The following TTC6 variants were observed in gnomAD, a reference collection of about 807,000 sequenced individuals.
The protein encoded by TTC6 is tetratricopeptide repeat protein 6.
TTC6 carries 172 observed loss-of-function variants against 210.4 expected under a neutral mutation model. The ratio of observed to expected loss-of-function variants is 0.82; its 90% confidence interval spans 0.72 to 0.93. TTC6 has a LOEUF of 0.93. Among genes scored for constraint, TTC6 ranks in the 40% least tolerant of loss-of-function variants. The pLI, the probability that TTC6 is intolerant of heterozygous loss-of-function variation, is 0.00. For missense variants in TTC6, 2,414 were observed against 2,318.1 expected (o/e 1.04, Z -0.85); for synonymous variants, 804 against 819.6 (o/e 0.98, Z 0.32).
chr14:37,673,321 A>ATT (rs1197114147), intron 1 of TTC6, among the ~76,000 whole-genome samples: 3 of 152,180 alleles, frequency 2.0e-5, no homozygotes, highest in Non-Finnish European at 4.4e-5. Context: ...GTTTCTCAAG[A>ATT]AAGTTACCTG....
chr14:37,664,115 C>T (rs945916428), intron 1 of TTC6, among the ~76,000 whole-genome samples: 6 of 150,590 alleles, frequency 4.0e-5, no homozygotes, highest in African/African-American at 1.5e-4. Flanking sequence ...TCCCATTAAA[C>T]TACCATTGAC....
intron 29 of TTC6, chr14:37,837,601 G>C: frequency 3.9e-6 from 1 of 256,702 alleles, no homozygotes; most frequent in Non-Finnish European, 7.9e-6. Flanking sequence ...AGTAATAATT[G>C]ATTGAGTCCT....
chr14:37,605,632 C>T (rs2095623752), intron 1 of TTC6, among the ~76,000 whole-genome samples: 2 of 152,148 alleles, frequency 1.3e-5, no homozygotes, highest in South Asian at 2.1e-4. Flanking sequence ...CTACAAAGCA[C>T]ATACAACAGT....
At chr14:37,618,277 G>C (rs2095645937), upstream of TTC6, among the ~76,000 whole-genome samples, 1 of 152,158 alleles carries the variant, frequency 6.6e-6, no homozygotes, top group South Asian at 2.1e-4. Flanking sequence ...GGCTGACCTG[G>C]TCTTGTGAGA....
intron 2 of TTC6, 91 bp from the exon 5 acceptor site, chr14:37,682,667 C>T (rs2095786473): frequency 1.8e-6 from 2 of 1,088,328 alleles, no homozygotes; most frequent in Admixed American, 2.4e-5. Context: ...TTTTCATATT[C>T]ATCTTGTCAG....
upstream of TTC6, chr14:37,621,901 T>G (rs1469221368): frequency 1.9e-6 from 1 of 526,252 alleles, no homozygotes. Context: ...TAAAATTACA[T>G]GATAATTTTA....
chr14:37,683,052 C>T (rs965195272), intron 3 of TTC6, 88 bp downstream of exon 5: 19 of 1,187,582 alleles, frequency 1.6e-5, no homozygotes, highest in African/African-American at 1.1e-4. Context: ...CAAGGACCAA[C>T]GTATGGGGCT....
chr14:37,793,262 C>A (rs1461198163), intron 17 of TTC6, among the ~76,000 whole-genome samples: 1 of 152,218 alleles, frequency 6.6e-6, no homozygotes, highest in African/African-American at 2.4e-5. Context: ...CAAGACCCCA[C>A]AGGAGCTAGC....
chr14:37,640,261 G>A (rs1342684273), intron 1 of TTC6, among the ~76,000 whole-genome samples: 1 of 150,598 alleles, frequency 6.6e-6, no homozygotes, highest in South Asian at 2.1e-4. Flanking sequence ...TTTTTTGCTT[G>A]TTTGCATAAT....
At chr14:37,718,697 G>A (rs1025243363) in intron 6 of TTC6, among the ~76,000 whole-genome samples, 5 of 152,192 alleles carry the variant, frequency 3.3e-5, no homozygotes, top group Non-Finnish European at 7.3e-5. Flanking sequence ...GGAGGCCAAG[G>A]TGGGCAGCTT....
At chr14:37,784,138 C>G (rs1467856466) in intron 14 of TTC6, among the ~76,000 whole-genome samples, 2 of 152,162 alleles carry the variant, frequency 1.3e-5, no homozygotes, top group African/African-American at 4.8e-5. Context: ...CTGTAGATGT[C>G]TATTAGGTCT....
chr14:37,750,794 G>A (rs2095949458), intron 12 of TTC6, among the ~76,000 whole-genome samples: 1 of 152,124 alleles, frequency 6.6e-6, no homozygotes. Flanking sequence ...GGAGGCTGAT[G>A]TGGGAGGATT....
intron 1 of TTC6, among the ~76,000 whole-genome samples, chr14:37,596,331 T>C (rs77018974): frequency 0.035 from 5,393 of 152,362 alleles, 334 homozygotes; most frequent in African/African-American, 0.12. Context: ...GGAACGCATC[T>C]GCACTGCGAA....
At chr14:37,687,990 C>T (rs2095797114) in intron 3 of TTC6, among the ~76,000 whole-genome samples, 1 of 152,060 alleles carries the variant, frequency 6.6e-6, no homozygotes. Flanking sequence ...CAAGTGGGCT[C>T]TTGGGGTCCT....
rs550981881 is a variant in TTC6, at chr14:37,600,633, C to T, written c.-235+4625C>T. Among the ~76,000 whole-genome samples, 36 of 152,332 alleles carry T rather than the reference C, an allele frequency of 2.4e-4. No individual in the cohort carries two copies. In the South Asian group the frequency reaches 5.2e-3, roughly 22 times the overall value. ...TTTAATAAGAATCATATGCCATATC[C>T]TTCACTTAGAAAGAAAATAAAAATA... On this transcript the variant is annotated intron_variant, in intron 1 of 2. Transcript: ENST00000556845.
chr14:37,668,840 G>A (rs1321034052), intron 1 of TTC6, among the ~76,000 whole-genome samples: 1 of 152,298 alleles, frequency 6.6e-6, no homozygotes, highest in African/African-American at 2.4e-5. Flanking sequence ...GGATGATAAG[G>A]ATTCATTCCA....
At chr14:37,731,400 C>T (rs2095885711) in intron 7 of TTC6, among the ~76,000 whole-genome samples, 1 of 151,990 alleles carries the variant, frequency 6.6e-6, no homozygotes, top group African/African-American at 2.4e-5. Flanking sequence ...AATCACAAAC[C>T]AAAAGCACAA....
At chr14:37,724,536 A>G (rs4901143) in intron 6 of TTC6, among the ~76,000 whole-genome samples, 142,338 of 152,142 alleles carry the variant, frequency 0.94, 66,678 homozygotes, top group East Asian at 1. Flanking sequence ...TTTTTATTTC[A>G]TATGCTCTGT....
intron 29 of TTC6, among the ~76,000 whole-genome samples, chr14:37,830,890 A>G (rs940946922): frequency 6.6e-6 from 1 of 152,116 alleles, no homozygotes; most frequent in African/African-American, 2.4e-5. Context: ...AATCAAAGTA[A>G]TTGGAATATG....
Sources: allele counts gnomAD v4.1 joint callset (sites outside exome capture counted in the v4.1 genomes callset), GRCh38; gene constraint gnomAD v4.1.1; transcripts MANE v1.5; gene names NCBI Gene and HGNC (gene_info 2026-07-23, HGNC 2026-07-21).